MCMBP: variants seen among roughly 807,000 people sequenced by gnomAD.
MCMBP encodes minichromosome maintenance complex binding protein, also known as mini-chromosome maintenance complex-binding protein.
Under a neutral mutation model 81.3 loss-of-function variants are expected in MCMBP, and 31 were observed. That is an observed-to-expected ratio of 0.38 (90% CI 0.29 to 0.51). The LOEUF (loss-of-function observed/expected upper bound fraction) is 0.51, where lower values mean the gene tolerates loss of function less well. MCMBP is among the 20% of genes least tolerant of loss of function. MCMBP has a pLI of 0.87. For synonymous variants in MCMBP, 267 were observed against 275.9 expected, an observed-to-expected ratio of 0.97 and a Z score of 0.32; for missense variants, 645 against 772.1, an observed-to-expected ratio of 0.84 and a Z score of 1.95.
chr10:119,873,157 A>C (rs982371238), upstream of MCMBP, among the ~76,000 whole-genome samples: 4 of 152,138 alleles, frequency 2.6e-5, no homozygotes, highest in Non-Finnish European at 4.4e-5. Context: ...AAAAGCATTA[A>C]GCTCAGAGAC....
At chr10:119,848,836 A>C (rs906468201) in intron 7 of MCMBP, among the ~76,000 whole-genome samples, 14 of 152,364 alleles carry the variant, frequency 9.2e-5, no homozygotes, top group African/African-American at 2.6e-4. Flanking sequence ...AGAAGGAAGA[A>C]GACAAAAATG....
intron 10 of MCMBP, among the ~76,000 whole-genome samples, chr10:119,841,973 C>G (rs899498305): frequency 6.6e-6 from 1 of 152,172 alleles, no homozygotes; most frequent in African/African-American, 2.4e-5. Flanking sequence ...TGTTAGGAAC[C>G]GGGCCACAAC....
chr10:119,836,473 T>C (rs1028342545), intron 13 of MCMBP, among the ~76,000 whole-genome samples: 2 of 152,196 alleles, frequency 1.3e-5, no homozygotes, highest in Non-Finnish European at 2.9e-5. Flanking sequence ...TACCAGAGCA[T>C]TTCACCACAA....
rs749046451 is a variant in MCMBP, at chr10:119,859,123, A to C, written c.203T>G (p.Phe68Cys). 2 of 1,614,010 alleles carry C rather than the reference A, an allele frequency of 1.2e-6. No individual in the cohort carries two copies. Among genetic ancestry groups the C allele is most frequent in the South Asian group, 1.1e-5 (1 of 91,076 alleles). Residue 68 changes from phenylalanine to cysteine, a missense_variant, in exon 3 of 16, where the codon TTT (phenylalanine) becomes TGT (cysteine). Phe to Cys is a radical substitution (Grantham distance 205). Transcript: ENST00000369077. ...HYLKPNSFVKFRCMIQDMFDP... is the reference protein window; with the variant it reads ...HYLKPNSFVKCRCMIQDMFDP... ...AAACATATCCTGAATCATGCAACGA[A>C]ATTTCACAAAACTATTAGGTTTCAA...
chr10:119,859,489 TCTTAA>T (rs952594079), intron 2 of MCMBP, among the ~76,000 whole-genome samples: 2 of 152,220 alleles, frequency 1.3e-5, no homozygotes, highest in East Asian at 3.8e-4. Flanking sequence ...TGAGCTCTTC[TCTTAA>T]AACTAGCACA....
chr10:119,853,255 A>G, intron 5 of MCMBP, 61 bp from the exon 6 acceptor site: 1 of 1,506,910 alleles, frequency 6.6e-7, no homozygotes, highest in Non-Finnish European at 9.0e-7. Context: ...AGTTTTGCTA[A>G]TTATATGACT....
At chr10:119,862,212 C>A (rs1167910181) in intron 1 of MCMBP, among the ~76,000 whole-genome samples, 2 of 152,140 alleles carry the variant, frequency 1.3e-5, no homozygotes, top group Non-Finnish European at 2.9e-5. Flanking sequence ...GAGGCTGAGG[C>A]AGGAGAATCG....
intron 1 of MCMBP, among the ~76,000 whole-genome samples, chr10:119,869,186 C>G (rs1853576872): frequency 1.3e-5 from 2 of 152,206 alleles, no homozygotes; most frequent in African/African-American, 4.8e-5. Flanking sequence ...TGGCTCACGC[C>G]TATAATCCCA....
At chr10:119,839,643 G>C (rs1209107962) in intron 11 of MCMBP, among the ~76,000 whole-genome samples, 1 of 152,080 alleles carries the variant, frequency 6.6e-6, no homozygotes, top group Non-Finnish European at 1.5e-5. Flanking sequence ...GGGTCAATCA[G>C]GTCAAAATCA....
intron 8 of MCMBP, among the ~76,000 whole-genome samples, chr10:119,846,049 C>A (rs1227774825): frequency 6.6e-6 from 1 of 152,138 alleles, no homozygotes; most frequent in Non-Finnish European, 1.5e-5. Context: ...CTGCATGTAT[C>A]CTAGCTCTGT....
chr10:119,837,063 A>G (rs1852271916), intron 12 of MCMBP, 34 bp from the exon 13 acceptor site: 2 of 1,606,976 alleles, frequency 1.2e-6, no homozygotes, highest in Non-Finnish European at 1.7e-6. Flanking sequence ...CAGTCATTTG[A>G]CTTTAATCAT....
At chr10:119,873,098 C>T (rs916666700), upstream of MCMBP, among the ~76,000 whole-genome samples, 6 of 152,076 alleles carry the variant, frequency 3.9e-5, no homozygotes, top group Non-Finnish European at 8.8e-5. Flanking sequence ...GTAGCGGGAA[C>T]TCCCATAGTG....
intron 1 of MCMBP, among the ~76,000 whole-genome samples, chr10:119,867,926 A>T (rs1201973203): frequency 6.6e-6 from 1 of 152,202 alleles, no homozygotes; most frequent in Non-Finnish European, 1.5e-5. Context: ...CATGGTGATA[A>T]TAAAAAGCAG....
At chr10:119,854,255 T>C (rs1253394495) in intron 5 of MCMBP, among the ~76,000 whole-genome samples, 2 of 151,890 alleles carry the variant, frequency 1.3e-5, no homozygotes. Context: ...TTGGCCAGGT[T>C]GGTCTCAAAC....
intron 14 of MCMBP, 132 bp from the exon 15 acceptor site, chr10:119,832,232 A>G: frequency 8.1e-6 from 5 of 618,720 alleles, no homozygotes; most frequent in Non-Finnish European, 1.4e-5. Flanking sequence ...TGAAAGTACC[A>G]AAGCATATAC....
In MCMBP at chr10:119,837,023, T is replaced by G; in HGVS notation, c.1415A>C (p.His472Pro). 1.9e-6 allele frequency: 3 copies of G among 1,613,178 alleles called. No individual in the cohort carries two copies. The highest frequency in any genetic ancestry group is 2.5e-6 in the Non-Finnish European group (3 of 1,179,634). The change falls in exon 13 of 16, where the codon CAT becomes CCT. Residue 472 changes from histidine (H) to proline (P), a missense_variant. His to Pro is a moderately conservative substitution (Grantham distance 77, BLOSUM62 -2). Coordinates refer to ENST00000369077, the MANE Select transcript of MCMBP (RefSeq NM_001256378.2). The stretch of plus-strand genomic sequence containing the variant: ...GAGGTTGCTCAGGGCTGTCACATTA[T>G]GAACACCTACAAAGGCAGGAAAACA... ...EQGQLDTPGV[H>P]NVTALSNLIT...
chr10:119,831,752 G>T (rs1852045778), intron 15 of MCMBP, 152 bp from the exon 16 acceptor site: 1 of 987,666 alleles, frequency 1.0e-6, no homozygotes, highest in African/African-American at 1.6e-5. Context: ...GCCAAGTTAG[G>T]CTTCTAAAAA....
chr10:119,839,348 C>T (rs940760990), intron 11 of MCMBP, among the ~76,000 whole-genome samples: 1 of 152,166 alleles, frequency 6.6e-6, no homozygotes, highest in African/African-American at 2.4e-5. Context: ...ATCCATTCTT[C>T]CATCCCTCCA....
At chr10:119,870,436 G>A (rs1362714449) in intron 1 of MCMBP, among the ~76,000 whole-genome samples, 6 of 149,852 alleles carry the variant, frequency 4.0e-5, no homozygotes, top group Non-Finnish European at 8.9e-5. Flanking sequence ...GACAGTGCGA[G>A]ACTGTCTCAA....
Sources: gnomAD v4.1 joint callset for allele counts (sites outside exome capture counted in the v4.1 genomes callset) on GRCh38, gnomAD v4.1.1 for gene constraint, MANE v1.5 for transcripts, NCBI Gene and HGNC (gene_info 2026-07-23, HGNC 2026-07-21) for gene names.